The following ANKS1B variants were observed in gnomAD, a reference collection of about 807,000 sequenced individuals.
ANKS1B encodes ankyrin repeat and sterile alpha motif domain containing 1B.
In ANKS1B, 36 loss-of-function variants were observed where a neutral mutation model predicts 148.3. The observed-to-expected ratio is 0.24, with a 90% CI of 0.19 to 0.32. ANKS1B has a LOEUF of 0.32. Ranked by LOEUF, ANKS1B falls within the 10% of genes least tolerant of loss-of-function variation. The pLI is 1.00. For synonymous variants in ANKS1B, 542 were observed against 560.8 expected (o/e 0.97, Z 0.47); for missense variants, 1,157 against 1,542.6 (o/e 0.75, Z 4.19).
intron 10 of ANKS1B, among the ~76,000 whole-genome samples, chr12:99,497,851 A>C (rs1595896136): frequency 1.3e-5 from 2 of 148,210 alleles, no homozygotes; most frequent in Admixed American, 6.8e-5. Flanking sequence ...CTCTCTCTCC[A>C]CCCCCACCTC....
intron 9 of ANKS1B, among the ~76,000 whole-genome samples, chr12:99,577,664 A>T (rs1028278924): frequency 1.3e-5 from 2 of 152,064 alleles, no homozygotes; most frequent in Admixed American, 1.3e-4. Context: ...CCAAGACTGA[A>T]CCAGGAGGAA....
intron 10 of ANKS1B, among the ~76,000 whole-genome samples, chr12:99,461,830 T>C (rs184075945): frequency 1.3e-5 from 2 of 152,352 alleles, no homozygotes; most frequent in East Asian, 3.9e-4. Flanking sequence ...AACCCATGTA[T>C]TTCATTATGA....
intron 4 of ANKS1B, among the ~76,000 whole-genome samples, chr12:99,796,541 T>C (rs1437158210): frequency 2.0e-5 from 3 of 151,934 alleles, no homozygotes; most frequent in Non-Finnish European, 4.4e-5. Context: ...TTAGTATCTC[T>C]GAAAATTCAT....
intron 15 of ANKS1B, among the ~76,000 whole-genome samples, chr12:99,106,268 G>T (rs569833046): frequency 3.9e-5 from 6 of 152,160 alleles, no homozygotes; most frequent in Admixed American, 3.3e-4. Flanking sequence ...ATCATCAGCC[G>T]ACATCATGGC....
chr12:99,786,650 G>GA (rs1419699030), intron 4 of ANKS1B, among the ~76,000 whole-genome samples: 1 of 152,116 alleles, frequency 6.6e-6, no homozygotes, highest in African/African-American at 2.4e-5. Flanking sequence ...CAATCTCTAT[G>GA]AACTCCAGAT....
intron 8 of ANKS1B, among the ~76,000 whole-genome samples, chr12:99,675,476 A>G (rs1380572256): frequency 6.6e-6 from 1 of 151,912 alleles, no homozygotes; most frequent in East Asian, 1.9e-4. Context: ...AATAAACCCT[A>G]GGAGGATAAA....
intron 17 of ANKS1B, among the ~76,000 whole-genome samples, chr12:98,848,870 C>G (rs2099503540): frequency 6.6e-6 from 1 of 151,662 alleles, no homozygotes; most frequent in African/African-American, 2.4e-5. Flanking sequence ...TCCCAAGTAG[C>G]TGGGATTATA....
At chr12:98,960,400 TAA>T (rs1309002411) in intron 17 of ANKS1B, among the ~76,000 whole-genome samples, 34 of 152,140 alleles carry the variant, frequency 2.2e-4, no homozygotes, top group Non-Finnish European at 1.5e-5. Context: ...CAAGTACCTC[TAA>T]GAGACCGCAA....
rs552435252 is a variant in ANKS1B, at chr12:99,828,322, A to G, written c.135-2933T>C. 1.8e-4 allele frequency among the ~76,000 whole-genome samples: 28 copies of G among 152,270 alleles called. No homozygotes were observed. The South Asian group carries it at 2.1e-3, about 11-fold the overall frequency. On this transcript the variant is annotated intron_variant, in intron 1 of 26. Transcript: ENST00000683438. ...TGATGTAAATACTTCAACTTAACGC[A>G]GTGATAGGAAGAGATGCTAACAACT... is the stretch of plus-strand genomic sequence containing the variant.
chr12:98,794,917 G>C, intron 22 of ANKS1B: 1 of 1,449,416 alleles, frequency 6.9e-7, no homozygotes, highest in South Asian at 1.1e-5. Context: ...GCAGTTGGAA[G>C]AGAAAATGGC....
chr12:99,097,324 T>C (rs2056526691), intron 15 of ANKS1B: 1 of 152,156 alleles, frequency 6.6e-6, no homozygotes, highest in Non-Finnish European at 1.5e-5. Flanking sequence ...AATTTTTTTT[T>C]CAGTTTTGCA....
chr12:99,849,798 T>C (rs1336808566), intron 1 of ANKS1B, among the ~76,000 whole-genome samples: 1 of 152,118 alleles, frequency 6.6e-6, no homozygotes, highest in East Asian at 1.9e-4. Flanking sequence ...AACAGGACAG[T>C]AATTACCCTT....
chr12:99,859,308 A>G (rs1195923365), intron 1 of ANKS1B, among the ~76,000 whole-genome samples: 4 of 152,234 alleles, frequency 2.6e-5, no homozygotes, highest in African/African-American at 9.6e-5. Context: ...AGTAAAATAA[A>G]CATTAACAAG....
chr12:99,954,825 G>A (rs73380120), intron 1 of ANKS1B, among the ~76,000 whole-genome samples: 212 of 152,194 alleles, frequency 1.4e-3, no homozygotes, highest in African/African-American at 4.9e-3. Flanking sequence ...AAATTATCTG[G>A]TCCAAATGTC....
chr12:99,908,650 A>G (rs893796728), intron 1 of ANKS1B, among the ~76,000 whole-genome samples: 14 of 152,206 alleles, frequency 9.2e-5, no homozygotes, highest in African/African-American at 3.1e-4. Context: ...AGTTATTAAG[A>G]AGCCAATGTC....
At chr12:99,738,639 T>C (rs1024175347) in intron 8 of ANKS1B, among the ~76,000 whole-genome samples, 1 of 152,164 alleles carries the variant, frequency 6.6e-6, no homozygotes, top group African/African-American at 2.4e-5. Context: ...AGTGAAACCA[T>C]TAAAAACTAG....
intron 8 of ANKS1B, among the ~76,000 whole-genome samples, chr12:99,661,519 C>A (rs895268438): frequency 1.3e-5 from 2 of 152,150 alleles, no homozygotes; most frequent in African/African-American, 4.8e-5. Flanking sequence ...GCAACCCGAC[C>A]CTTGGTTTGG....
intron 1 of ANKS1B, among the ~76,000 whole-genome samples, chr12:99,923,389 G>A (rs913715265): frequency 2.6e-5 from 4 of 152,196 alleles, no homozygotes; most frequent in Non-Finnish European, 2.9e-5. Context: ...ATCCACGGGA[G>A]GATCCCAAGA....
intron 1 of ANKS1B, among the ~76,000 whole-genome samples, chr12:99,875,812 A>G (rs953236751): frequency 1.3e-5 from 2 of 152,228 alleles, no homozygotes; most frequent in Non-Finnish European, 2.9e-5. Context: ...CTGAGAAACA[A>G]TGCTGAATGG....
Sources: allele counts gnomAD v4.1 joint callset (sites outside exome capture counted in the v4.1 genomes callset), GRCh38; gene constraint gnomAD v4.1.1; transcripts MANE v1.5; gene names NCBI Gene and HGNC (gene_info 2026-07-23, HGNC 2026-07-21).